GPC3: variants seen among roughly 807,000 people sequenced by gnomAD.
The protein encoded by GPC3 is glypican-3.
Under a neutral mutation model 34.4 loss-of-function variants are expected in GPC3, and 3 were observed. The ratio of observed to expected loss-of-function variants is 0.09; its 90% CI spans 0.04 to 0.23. GPC3 has a LOEUF of 0.23. Ranked by LOEUF, GPC3 falls within the 10% of genes least tolerant of loss-of-function variation. The pLI is 1.00. For missense variants in GPC3, 351 were observed against 445.6 expected (o/e 0.79, Z 1.91); for synonymous variants, 177 against 174.0 (o/e 1.02, Z -0.13).
intron 2 of GPC3, among the ~76,000 whole-genome samples, chrX:133,754,903 A>G (rs2071711965): frequency 8.9e-6 from 1 of 112,332 alleles, no homozygotes; most frequent in Admixed American, 9.4e-5. Flanking sequence ...TTCCTTGCTA[A>G]GTTCAGCTTC....
At chrX:133,635,241 T>C (rs939300330) in intron 6 of GPC3, among the ~76,000 whole-genome samples, 2 of 111,546 alleles carry the variant, frequency 1.8e-5, no homozygotes, top group African/African-American at 3.3e-5. Flanking sequence ...CTTTTACCTA[T>C]GCAAAATACT....
At chrX:133,767,466 A>G (rs1031719351) in intron 2 of GPC3, among the ~76,000 whole-genome samples, 1 of 112,090 alleles carries the variant, frequency 8.9e-6, no homozygotes, top group Non-Finnish European at 1.9e-5. Flanking sequence ...ATTTAATTGG[A>G]AAGCTAGCCT....
chrX:133,953,249 ATCTC>A, intron 1 of GPC3, 38 bp from the exon 2 acceptor site: 4 of 1,154,731 alleles, frequency 3.5e-6, no homozygotes, highest in Admixed American at 2.2e-5. Flanking sequence ...AGTAAGCAGG[ATCTC>A]TCTCTCACAC....
chrX:133,888,627 G>A (rs2076072442), intron 2 of GPC3, among the ~76,000 whole-genome samples: 2 of 112,189 alleles, frequency 1.8e-5, no homozygotes, highest in South Asian at 7.5e-4. Flanking sequence ...TAATTGGTGT[G>A]AGATGGTATC....
At chrX:133,639,581 T>C (rs1392836780) in intron 6 of GPC3, among the ~76,000 whole-genome samples, 1 of 112,177 alleles carries the variant, frequency 8.9e-6, no homozygotes, top group Admixed American at 9.5e-5. Context: ...GAACACAGAA[T>C]GTCTGTGTCA....
At chrX:133,752,621 G>T (rs999144875) in intron 3 of GPC3, among the ~76,000 whole-genome samples, 3 of 111,605 alleles carry the variant, frequency 2.7e-5, no homozygotes, top group African/African-American at 9.8e-5. Context: ...TATATTGGAA[G>T]TTGGTATCTC....
chrX:133,601,771 T>C (rs1003385084), intron 6 of GPC3, among the ~76,000 whole-genome samples: 2 of 111,905 alleles, frequency 1.8e-5, no homozygotes, highest in Non-Finnish European at 3.8e-5. Flanking sequence ...ATCACCAGGA[T>C]GCTTATTAAA....
chrX:133,772,939 C>A (rs1033017564), intron 2 of GPC3, among the ~76,000 whole-genome samples: 5 of 111,422 alleles, frequency 4.5e-5, no homozygotes, highest in African/African-American at 1.3e-4. Flanking sequence ...CTCTCTAATG[C>A]CTGATATGGG....
chrX:133,694,427 T>G (rs1054147427), intron 4 of GPC3, among the ~76,000 whole-genome samples: 9 of 110,995 alleles, frequency 8.1e-5, no homozygotes, highest in Non-Finnish European at 1.5e-4. Context: ...GCTCTGAAAA[T>G]AAAAGTCAAC....
chrX:133,726,253 A>T (rs1422224991), intron 3 of GPC3, among the ~76,000 whole-genome samples: 2 of 111,671 alleles, frequency 1.8e-5, no homozygotes, highest in Non-Finnish European at 3.8e-5. Flanking sequence ...TGGGTAACAA[A>T]AAAACCTAGC....
chrX:133,893,667 G>A (rs938981543), intron 2 of GPC3, among the ~76,000 whole-genome samples: 34 of 111,038 alleles, frequency 3.1e-4, no homozygotes, highest in Non-Finnish European at 1.1e-4. Flanking sequence ...CTAACCCTCA[G>A]GAAGCTTGAG....
intron 2 of GPC3, among the ~76,000 whole-genome samples, chrX:133,799,432 A>C (rs191626118): frequency 9.0e-6 from 1 of 111,170 alleles, no homozygotes; most frequent in Non-Finnish European, 1.9e-5. Context: ...AAAGGCTTGA[A>C]GTTAAATCCA....
intron 1 of GPC3, among the ~76,000 whole-genome samples, chrX:133,974,196 C>G (rs2076505305): frequency 9.0e-6 from 1 of 111,476 alleles, no homozygotes; most frequent in African/African-American, 3.3e-5. Context: ...ACTGCAGGTA[C>G]ATGCCACTAT....
intron 2 of GPC3, among the ~76,000 whole-genome samples, chrX:133,905,062 A>G (rs2076162228): frequency 8.9e-6 from 1 of 111,922 alleles, no homozygotes; most frequent in Non-Finnish European, 1.9e-5. Context: ...CCCCTCACCA[A>G]GCACCAACAG....
intron 6 of GPC3, among the ~76,000 whole-genome samples, chrX:133,602,134 G>A (rs2069988523): frequency 9.0e-6 from 1 of 111,453 alleles, no homozygotes; most frequent in African/African-American, 3.3e-5. Context: ...GATGAGCCTG[G>A]AGGACATTAT....
intron 5 of GPC3, among the ~76,000 whole-genome samples, chrX:133,680,508 G>A (rs1396005664): frequency 8.9e-6 from 1 of 111,969 alleles, no homozygotes; most frequent in African/African-American, 3.2e-5. Flanking sequence ...CTGTGACACT[G>A]GAGTTACAAA....
At chrX:133,967,476 C>T (rs961656785) in intron 1 of GPC3, among the ~76,000 whole-genome samples, 2 of 111,939 alleles carry the variant, frequency 1.8e-5, no homozygotes, top group Admixed American at 9.5e-5. Flanking sequence ...CTAGATCAAG[C>T]GGAATGAACC....
At chrX:133,667,065 A>T (rs2070775099) in intron 5 of GPC3, among the ~76,000 whole-genome samples, 1 of 111,840 alleles carries the variant, frequency 8.9e-6, no homozygotes, top group Admixed American at 9.5e-5. Context: ...AGCTTTCTTG[A>T]GGTAGAATCG....
At chrX:133,964,058 C>T (rs1382337330) in intron 1 of GPC3, among the ~76,000 whole-genome samples, 2 of 111,451 alleles carry the variant, frequency 1.8e-5, no homozygotes, top group East Asian at 5.6e-4. Flanking sequence ...AATCTCTTGA[C>T]ACACCACAGT....
Sources: allele counts gnomAD v4.1 joint callset (sites outside exome capture counted in the v4.1 genomes callset), GRCh38; gene constraint gnomAD v4.1.1; transcripts MANE v1.5; gene names NCBI Gene and HGNC (gene_info 2026-07-23, HGNC 2026-07-21).